Variants in NFIA observed in about 807,000 individuals in gnomAD.
NFIA encodes nuclear factor I A.
Under a neutral mutation model 62.8 loss-of-function variants are expected in NFIA, and 8 were observed. That is an observed-to-expected ratio of 0.13 (90% CI 0.07 to 0.23). The LOEUF (loss-of-function observed/expected upper bound fraction) is 0.23, where lower values mean the gene tolerates loss of function less well. Among genes scored for constraint, NFIA ranks in the 10% least tolerant of loss-of-function variants. The pLI is 1.00. For missense variants in NFIA, 410 were observed against 642.1 expected (o/e 0.64, Z 3.91); for synonymous variants, 235 against 238.1 (o/e 0.99, Z 0.12).
At chr1:61,219,383 ACTAT>A (rs770636627) in intron 2 of NFIA, among the ~76,000 whole-genome samples, 26 of 152,204 alleles carry the variant, frequency 1.7e-4, no homozygotes, top group Non-Finnish European at 3.4e-4. Context: ...TAGGCTTAAA[ACTAT>A]CTAAGGAACT....
chr1:61,418,393 AAGGCTGC>A (rs1162463421), intron 9 of NFIA, among the ~76,000 whole-genome samples: 1 of 152,090 alleles, frequency 6.6e-6, no homozygotes, highest in African/African-American at 2.4e-5. Context: ...CCAGCAGGTC[AAGGCTGC>A]AGTGAGCCAT....
chr1:61,109,566 G>A (rs1331001479), intron 2 of NFIA, among the ~76,000 whole-genome samples: 1 of 151,584 alleles, frequency 6.6e-6, no homozygotes, highest in Admixed American at 6.6e-5. Context: ...TGAATTTAGT[G>A]ACAAGCATTT....
intron 6 of NFIA, among the ~76,000 whole-genome samples, chr1:61,363,306 T>C (rs1021984275): frequency 2.6e-5 from 4 of 152,292 alleles, no homozygotes; most frequent in African/African-American, 7.2e-5. Context: ...ACTGGTACTT[T>C]AGTTAAAACG....
At chr1:61,286,142 G>C (rs1208633800) in intron 3 of NFIA, among the ~76,000 whole-genome samples, 1 of 152,038 alleles carries the variant, frequency 6.6e-6, no homozygotes, top group Admixed American at 6.6e-5. Context: ...AGAATTGCTG[G>C]ATAGGCCGGG....
At position 61,457,964 on chromosome 1, in the gene NFIA, A is replaced by G. The variant is rs1668377921; in HGVS notation, c.*2644A>G. On this transcript the variant is annotated 3_prime_UTR_variant, in exon 11 of 11. Coordinates refer to ENST00000403491, the MANE Select transcript of NFIA (RefSeq NM_001134673.4). The surrounding 1 kb of genome is among the most constrained non-coding windows in gnomAD (Gnocchi z 4.2). ...TTATATGCACGTTTTTAAACTTCCA[A>G]GTTCTGAAAATTGTTTACTGGTTAT... is the stretch of plus-strand genomic sequence containing the variant. The G allele has an allele frequency of 6.6e-6, 1 of 152,156 alleles. No homozygotes were observed. The highest frequency in any genetic ancestry group is 1.5e-5 in the Non-Finnish European group (1 of 68,030). The allele number at this position is 152,156 out of a possible 1,614,324, so 9.4% of individuals were successfully genotyped here. A position where few individuals can be genotyped will look rare whatever the true frequency, so the allele number is the denominator to read the frequency against.
intron 2 of NFIA, among the ~76,000 whole-genome samples, chr1:61,153,762 T>A (rs1207127073): frequency 1.3e-5 from 2 of 152,226 alleles, no homozygotes; most frequent in Admixed American, 6.5e-5. Flanking sequence ...TATTCTTTTA[T>A]GAGTTGCTGA....
intron 2 of NFIA, among the ~76,000 whole-genome samples, chr1:61,257,095 T>A (rs1656445797): frequency 6.6e-6 from 1 of 152,078 alleles, no homozygotes; most frequent in Non-Finnish European, 1.5e-5. Flanking sequence ...TTTATTTATG[T>A]TTTTCAAGAT....
chr1:61,384,478 A>G (rs1252712626), intron 7 of NFIA, among the ~76,000 whole-genome samples: 1 of 152,170 alleles, frequency 6.6e-6, no homozygotes, highest in African/African-American at 2.4e-5. Context: ...AACTTTCTCA[A>G]GATCCCTTCT....
chr1:61,134,247 T>A (rs111892038), intron 2 of NFIA, among the ~76,000 whole-genome samples: 21 of 680 alleles, frequency 0.031, no homozygotes, highest in Non-Finnish European at 0.12. Flanking sequence ...TGTGTGTGAG[T>A]GTGTGTGTGT....
intron 3 of NFIA, among the ~76,000 whole-genome samples, chr1:61,322,645 G>A (rs578120268): frequency 1.3e-5 from 2 of 152,284 alleles, no homozygotes; most frequent in South Asian, 4.1e-4. Context: ...TGTGCTTTCT[G>A]GCTATCAACC....
At chr1:61,217,483 C>CT (rs1653707377) in intron 2 of NFIA, among the ~76,000 whole-genome samples, 1 of 152,106 alleles carries the variant, frequency 6.6e-6, no homozygotes, top group Non-Finnish European at 1.5e-5. Flanking sequence ...TTGATCTATA[C>CT]TTTTTTCTCC....
intron 3 of NFIA, among the ~76,000 whole-genome samples, chr1:61,282,749 A>G (rs1030003356): frequency 2.0e-5 from 3 of 152,218 alleles, no homozygotes; most frequent in African/African-American, 4.8e-5. Context: ...AAGTAATGCT[A>G]TCTTCACCTG....
In NFIA at chr1:61,176,577, T is replaced by A. The variant is rs943966136; in HGVS notation, c.559+87897T>A. Among the ~76,000 whole-genome samples, 8 of 152,212 alleles carry A rather than the reference T, an allele frequency of 5.3e-5. No homozygotes were observed. In the East Asian group the frequency reaches 5.8e-4, roughly 11 times the overall value. Reference sequence around the variant, plus strand: ...TTCATATAAAATTTATTGATATTTTTAAAAATTCTTTCTTATTATAAATGA... The same window carrying A: ...TTCATATAAAATTTATTGATATTTTAAAAAATTCTTTCTTATTATAAATGA... On this transcript the variant is annotated intron_variant, in intron 2 of 10. Coordinates refer to ENST00000403491, the MANE Select transcript of NFIA (RefSeq NM_001134673.4).
intron 6 of NFIA, among the ~76,000 whole-genome samples, chr1:61,359,982 G>A (rs1433580146): frequency 1.3e-5 from 2 of 152,046 alleles, no homozygotes; most frequent in Non-Finnish European, 2.9e-5. Flanking sequence ...CAGCAGGATC[G>A]ATAACATTCG....
chr1:61,345,231 G>T (rs1264891881), intron 4 of NFIA, among the ~76,000 whole-genome samples: 1 of 152,046 alleles, frequency 6.6e-6, no homozygotes, highest in South Asian at 2.1e-4. Context: ...AGAAAATTGA[G>T]GAGCCTTCAA....
intron 2 of NFIA, among the ~76,000 whole-genome samples, chr1:61,190,235 A>C (rs1398707124): frequency 6.6e-6 from 1 of 152,174 alleles, no homozygotes; most frequent in African/African-American, 2.4e-5. Flanking sequence ...CTTAATGACC[A>C]CACAACATGG....
At chr1:61,445,947 A>G (rs1408902885) in intron 10 of NFIA, among the ~76,000 whole-genome samples, 1 of 152,130 alleles carries the variant, frequency 6.6e-6, no homozygotes, top group East Asian at 1.9e-4. Flanking sequence ...CTTTTTCCAT[A>G]GCCAAGCTCA....
chr1:61,420,003 C>A (rs1472871582), intron 9 of NFIA, among the ~76,000 whole-genome samples: 1 of 152,138 alleles, frequency 6.6e-6, no homozygotes, highest in Admixed American at 6.5e-5. Context: ...AGAAATTCGG[C>A]GTAGTTATCC....
intron 6 of NFIA, among the ~76,000 whole-genome samples, chr1:61,365,449 T>G (rs1663537272): frequency 6.6e-6 from 1 of 152,218 alleles, no homozygotes; most frequent in Non-Finnish European, 1.5e-5. Context: ...GGTAGAAATC[T>G]AGCCTATTTT....
Sources: gnomAD v4.1 joint callset for allele counts (sites outside exome capture counted in the v4.1 genomes callset) on GRCh38, gnomAD v4.1.1 for gene constraint, Gnocchi (gnomAD v3.1) non-coding constraint, MANE v1.5 for transcripts, NCBI Gene and HGNC (gene_info 2026-07-23, HGNC 2026-07-21) for gene names.